TDG: variants seen among roughly 807,000 people sequenced by gnomAD.
The protein encoded by TDG is G/T mismatch-specific thymine DNA glycosylase.
TDG carries 23 observed loss-of-function variants against 46.1 expected under a neutral mutation model. The observed-to-expected ratio is 0.50, with a 90% CI of 0.36 to 0.71. TDG has a LOEUF of 0.71. TDG is among the 30% of genes least tolerant of loss of function. TDG has a pLI of 0.00. For synonymous variants in TDG, 115 were observed against 161.3 expected (o/e 0.71, Z 2.18); for missense variants, 304 against 486.7 (o/e 0.62, Z 3.53).
rs548038407 is a variant in TDG, at chr12:103,987,978, T to C, written c.*888T>C. 11 of 152,758 alleles carry C rather than the reference T, an allele frequency of 7.2e-5. No individual in the cohort carries two copies. In the South Asian group the frequency reaches 1.7e-3, roughly 23 times the overall value. 9.5% of individuals were successfully genotyped at this position (152,758 alleles called of 1,614,324 possible). On this transcript the variant is annotated 3_prime_UTR_variant, in exon 10 of 10. Transcript: ENST00000392872. ...TACTCTCATTTAAACTGGTGCTTTA[T>C]GTACATGAGATGTACTAAAATAAGT...
chr12:103,977,564 G>A (rs4135088), intron 2 of TDG, among the ~76,000 whole-genome samples: 4 of 152,150 alleles, frequency 2.6e-5, no homozygotes, highest in Non-Finnish European at 5.9e-5. Context: ...TTGGAGTCTG[G>A]GATATAACAA....
intron 1 of TDG, among the ~76,000 whole-genome samples, chr12:103,972,769 T>C (rs1296327559): frequency 6.6e-6 from 1 of 152,210 alleles, no homozygotes; most frequent in African/African-American, 2.4e-5. Flanking sequence ...TCAGATTATT[T>C]TTCCTCTTTA....
Position 103,986,988 on chromosome 12 carries a change from C to T in TDG, c.1131C>T (p.Gly377=), listed in dbSNP as rs142826846. 3.2e-5 allele frequency: 51 copies of T among 1,614,258 alleles called. No individual in the cohort carries two copies. The East Asian group carries it at 1.1e-3, about 34-fold the overall frequency. ...VELRGESAFS[G]IPNGQWMTQS... ...TAAGAGGAGAATCAGCTTTCAGTGG[C>T]ATTCCTAATGGGCAGTGGATGACCC... Residue 377 remains glycine (G), a synonymous_variant, in exon 10 of 10, where the codon GGC becomes GGT. Transcript: ENST00000392872.
chr12:103,980,411 C>G (rs889838391), intron 3 of TDG: 1 of 276,346 alleles, frequency 3.6e-6, no homozygotes, highest in African/African-American at 2.3e-5. Context: ...TGAATCACTT[C>G]AACTGAATGA....
At chr12:103,981,815 GC>G (rs1871850114) in intron 4 of TDG, among the ~76,000 whole-genome samples, 1 of 152,130 alleles carries the variant, frequency 6.6e-6, no homozygotes, top group Admixed American at 6.6e-5. Flanking sequence ...TTTGAGACTA[GC>G]CTGTACAACA....
chr12:103,974,528 G>A (rs548480063), intron 1 of TDG, among the ~76,000 whole-genome samples: 3 of 152,144 alleles, frequency 2.0e-5, no homozygotes, highest in South Asian at 2.1e-4. Flanking sequence ...TGATCCTCCC[G>A]CCTTGCCCTC....
chr12:103,978,059 TCAAAAACAAAAA>T (rs4015355), intron 2 of TDG, among the ~76,000 whole-genome samples: 16,039 of 151,114 alleles, frequency 0.11, 1,753 homozygotes, highest in African/African-American at 0.28. Flanking sequence ...AGACTCTGTC[TCAAAAACAAAAA>T]CAAAAACAAA....
At chr12:103,970,668 G>A (rs1254332584) in intron 1 of TDG, among the ~76,000 whole-genome samples, 1 of 151,902 alleles carries the variant, frequency 6.6e-6, no homozygotes, top group Non-Finnish European at 1.5e-5. Flanking sequence ...GATCACTTGA[G>A]CCCAGGAGTT....
At chr12:103,970,696 A>C (rs1871248658) in intron 1 of TDG, among the ~76,000 whole-genome samples, 1 of 152,046 alleles carries the variant, frequency 6.6e-6, no homozygotes. Context: ...GCAGCCAACT[A>C]TGATCATGCC....
intron 3 of TDG, 146 bp downstream of exon 3, chr12:103,980,218 G>A: frequency 8.7e-7 from 1 of 1,145,418 alleles, no homozygotes; most frequent in Non-Finnish European, 1.2e-6. Context: ...TCATGAGGTT[G>A]TGTTATATGA....
At chr12:103,978,868 T>C (rs746177447) in intron 2 of TDG, among the ~76,000 whole-genome samples, 2 of 152,100 alleles carry the variant, frequency 1.3e-5, no homozygotes, top group African/African-American at 4.8e-5. Flanking sequence ...CATTCTGTAA[T>C]GTGCAGTACA....
chr12:103,970,403 A>T (rs1242103779), intron 1 of TDG, among the ~76,000 whole-genome samples: 2 of 152,128 alleles, frequency 1.3e-5, no homozygotes, highest in Non-Finnish European at 2.9e-5. Context: ...GTCTGAGCCC[A>T]GGTGTGTGTG....
intron 8 of TDG, 118 bp downstream of exon 8, chr12:103,985,038 T>TA: frequency 1.4e-6 from 1 of 707,530 alleles, no homozygotes; most frequent in Non-Finnish European, 2.0e-6. Context: ...TGTGTGCACA[T>TA]ATATGCACAC....
chr12:103,984,391 C>T (rs940417729), intron 7 of TDG, among the ~76,000 whole-genome samples: 21 of 152,028 alleles, frequency 1.4e-4, no homozygotes, highest in Admixed American at 1.1e-3. Context: ...GTTAGGAGTT[C>T]GAGACCAGCC....
At chr12:103,976,606 A>C (rs1871556427) in intron 1 of TDG, among the ~76,000 whole-genome samples, 1 of 152,206 alleles carries the variant, frequency 6.6e-6, no homozygotes, top group African/African-American at 2.4e-5. Context: ...AAGTCTGTCT[A>C]CTAGAAAACT....
chr12:103,984,941 C>T (rs765116835), intron 8 of TDG, 21 bp downstream of exon 8: 20 of 1,494,046 alleles, frequency 1.3e-5, no homozygotes, highest in Non-Finnish European at 1.8e-5. Flanking sequence ...GTCCTCATTC[C>T]TTTTATTCAT....
At chr12:103,976,689 TATC>T (rs1262731993) in intron 1 of TDG, among the ~76,000 whole-genome samples, 3 of 152,200 alleles carry the variant, frequency 2.0e-5, no homozygotes, top group African/African-American at 4.8e-5. Context: ...TGACACATCT[TATC>T]ATTTAAACAG....
chr12:103,975,216 T>TCTTTGAAAGCCCACATTGTTTC (rs1167890694), intron 1 of TDG, among the ~76,000 whole-genome samples: 10 of 152,330 alleles, frequency 6.6e-5, no homozygotes, highest in African/African-American at 2.4e-4. Context: ...TTAATTGTTT[T>TCTTTGAAAGCCCACATTGTTTC]CTTTGAAAGC....
In TDG at chr12:103,980,026, C is replaced by T; in HGVS notation, c.362C>T (p.Thr121Ile). 6.2e-7 allele frequency: 1 copy of T among 1,614,140 alleles called. No individual in the cohort carries two copies. The highest frequency in any genetic ancestry group is 2.2e-5 in the East Asian group (1 of 44,892). ...FNGVSEAELL[T>I]KTLPDILTFN... ...GGTGTTTCAGAAGCTGAACTTCTGA[C>T]CAAGACTCTCCCCGATATTTTGACC... The change falls in exon 3 of 10, where the codon ACC (threonine) becomes ATC (isoleucine). Residue 121 changes from threonine (T) to isoleucine (I), a missense_variant. Coordinates refer to ENST00000392872, the MANE Select transcript of TDG (RefSeq NM_003211.6).
Sources: allele counts gnomAD v4.1 joint callset (sites outside exome capture counted in the v4.1 genomes callset), GRCh38; gene constraint gnomAD v4.1.1; transcripts MANE v1.5; gene names NCBI Gene and HGNC (gene_info 2026-07-23, HGNC 2026-07-21).